Variants in ATP2A2 observed in about 807,000 individuals in gnomAD.
ATP2A2 encodes the protein sarcoplasmic/endoplasmic reticulum calcium ATPase 2.
In ATP2A2, 14 loss-of-function variants were observed where a neutral mutation model predicts 109.3. The observed-to-expected ratio is 0.13, with a 90% CI of 0.08 to 0.20. The LOEUF is 0.20. ATP2A2 is among the 10% of genes least tolerant of loss of function. The probability of loss-of-function intolerance (pLI) is 1.00; values close to 1 mark genes in which losing one functional copy is unlikely to be tolerated. For missense variants in ATP2A2, 657 were observed against 1,321.6 expected (o/e 0.50, Z 7.80); for synonymous variants, 506 against 490.9 (o/e 1.03, Z -0.41).
At chr12:110,325,296 T>C (rs939550929) in intron 6 of ATP2A2, among the ~76,000 whole-genome samples, 15 of 152,146 alleles carry the variant, frequency 9.9e-5, no homozygotes, top group Non-Finnish European at 1.5e-5. Flanking sequence ...TAGAGACATA[T>C]TTTACTCAGA....
Position 110,347,344 on chromosome 12 carries a change from CGTAA to C in ATP2A2, c.*877_*880del. 1 of 1,287,660 alleles carries C rather than the reference CGTAA, an allele frequency of 7.8e-7. No individual in the cohort carries two copies. 79.8% of individuals were successfully genotyped at this position (1,287,660 alleles called of 1,614,324 possible). ...AAAAATAACTGTCTTGTCTTTAACT[CGTAA>C]GTGGCTTACCTGGGACTAACAGACA... On this transcript the variant is annotated 3_prime_UTR_variant, in exon 20 of 20. Coordinates refer to ENST00000539276, the MANE Select transcript of ATP2A2 (RefSeq NM_170665.4).
rs892098264 is a variant in ATP2A2 at position 110,340,548 on chromosome 12, AAAAG to A, written c.1762-107_1762-104del. 3.2e-5 allele frequency: 42 copies of A among 1,314,636 alleles called. No individual in the cohort carries two copies. The highest frequency in any genetic ancestry group is 4.0e-5 in the Non-Finnish European group (38 of 940,538). 81.4% of individuals were successfully genotyped at this position (1,314,636 alleles called of 1,614,324 possible). On this transcript the variant is annotated intron_variant, in intron 13 of 19. Coordinates refer to ENST00000539276, the MANE Select transcript of ATP2A2 (RefSeq NM_170665.4). This position sits in a 1 kb window ranked among gnomAD's most constrained non-coding sequence, Gnocchi z 6.0. ...AGCGAAACTCCGCCTCAAAAAAAAA[AAAAG>A]AAAAAAAATGCAGAAACCTGTCTCA...
At chr12:110,317,823 TGC>T (rs1160496254) in intron 5 of ATP2A2, among the ~76,000 whole-genome samples, 1 of 152,246 alleles carries the variant, frequency 6.6e-6, no homozygotes, top group Non-Finnish European at 1.5e-5. Context: ...TGAACTCTTG[TGC>T]AAGTATACTG....
chr12:110,321,207 G>A lies in ATP2A2; in HGVS notation c.464-1785G>A, dbSNP rs1181110283. ...CATGCCACTGCACTCCAGTCTGGGT[G>A]ATAGAGCAAGACTCTGTCTCTGAAA... On this transcript the variant is annotated intron_variant, in intron 5 of 19. Coordinates refer to ENST00000539276, the MANE Select transcript of ATP2A2 (RefSeq NM_170665.4). 3.3e-5 allele frequency among the ~76,000 whole-genome samples: 5 copies of A among 152,218 alleles called. No homozygotes were observed. The South Asian group carries it at 1.0e-3, about 31-fold the overall frequency.
Position 110,348,101 on chromosome 12 carries a change from C to T in ATP2A2, c.*1631C>T. The T allele has an allele frequency of 2.0e-6, 2 of 985,754 alleles. No homozygotes were observed. Among genetic ancestry groups the T allele is most frequent in the African/African-American group, 1.7e-5 (1 of 57,374 alleles). 61.1% of individuals were successfully genotyped at this position (985,754 alleles called of 1,614,324 possible). A position where few individuals can be genotyped will look rare whatever the true frequency, so the allele number is the denominator to read the frequency against. On this transcript the variant is annotated 3_prime_UTR_variant, in exon 20 of 20. Coordinates refer to ENST00000539276, the MANE Select transcript of ATP2A2 (RefSeq NM_170665.4). The stretch of plus-strand genomic sequence containing the variant: ...CAGCCAGACCAACAGGCTGAAGGAG[C>T]TGTGCAGACTATTGCTAAAATGAGG...
rs777047998 is a variant in ATP2A2 at position 110,323,063 on chromosome 12, A to G, written c.535A>G (p.Ile179Val). ...TACCACACTAAGAGTTGACCAGTCAATTCTCACAGGTAAATATGATATATT... is the reference window on the plus strand; with the variant it reads ...TACCACACTAAGAGTTGACCAGTCAGTTCTCACAGGTAAATATGATATATT... ...KSTTLRVDQS[I>V]LTGESVSVIK... The change falls in exon 6 of 20, where the codon ATT (isoleucine) becomes GTT (valine). Residue 179 changes from isoleucine to valine, a missense_variant. This residue lies in a region of ATP2A2 where 136 missense variants were observed against 343.9 expected (regional missense o/e 0.40). Coordinates refer to ENST00000539276, the MANE Select transcript of ATP2A2 (RefSeq NM_170665.4). 6.2e-6 allele frequency: 10 copies of G among 1,604,576 alleles called. No individual in the cohort carries two copies. The highest frequency in any genetic ancestry group is 1.7e-5 in the Admixed American group (1 of 60,010).
rs1592858966 is a variant in ATP2A2 at position 110,339,248 on chromosome 12, A to C, written c.1420-33A>C. ...TAGGTAAAAAAGTTCAGAAATTGCCACCCAGTAGTATCCATATTTGTTCCC... is the reference window on the plus strand; with the variant it reads ...TAGGTAAAAAAGTTCAGAAATTGCCCCCCAGTAGTATCCATATTTGTTCCC... On this transcript the variant is annotated intron_variant, in intron 11 of 19. Transcript: ENST00000539276. The surrounding 1 kb of genome is among the most constrained non-coding windows in gnomAD (Gnocchi z 4.4). 2 of 1,613,302 alleles carry C rather than the reference A, an allele frequency of 1.2e-6. No homozygotes were observed. Among genetic ancestry groups the C allele is most frequent in the Non-Finnish European group, 1.7e-6 (2 of 1,179,874 alleles).
At chr12:110,332,529 G>A in intron 8 of ATP2A2, 68 bp from the exon 9 acceptor site, 2 of 1,303,458 alleles carry the variant, frequency 1.5e-6, no homozygotes, top group Non-Finnish European at 2.2e-6. Flanking sequence ...AGCTAACAAA[G>A]GTAGTTTATT....
intron 5 of ATP2A2, among the ~76,000 whole-genome samples, chr12:110,313,843 T>A (rs1242452172): frequency 6.6e-6 from 1 of 150,658 alleles, no homozygotes; most frequent in East Asian, 2.0e-4. Context: ...TCCCATTAGC[T>A]GGAATTACAG....
chr12:110,343,508 TTAA>T (rs1236033605), intron 16 of ATP2A2, 74 bp downstream of exon 16: 1 of 1,547,508 alleles, frequency 6.5e-7, no homozygotes, highest in Non-Finnish European at 8.9e-7. Context: ...AATTCATCCC[TTAA>T]AAGCGTGTTT....
intron 11 of ATP2A2, among the ~76,000 whole-genome samples, chr12:110,334,918 C>T (rs1028511833): frequency 3.9e-5 from 6 of 152,116 alleles, no homozygotes; most frequent in African/African-American, 1.4e-4. Context: ...TTTGATGAGA[C>T]CAGCATAACC....
At chr12:110,322,575 C>G (rs571955672) in intron 5 of ATP2A2, among the ~76,000 whole-genome samples, 1 of 152,232 alleles carries the variant, frequency 6.6e-6, no homozygotes, top group South Asian at 2.1e-4. Flanking sequence ...GCTTCCTGTT[C>G]ACAATAATTT....
At chr12:110,295,002 G>A (rs1873812140) in intron 4 of ATP2A2, among the ~76,000 whole-genome samples, 1 of 151,774 alleles carries the variant, frequency 6.6e-6, no homozygotes, top group South Asian at 2.1e-4. Context: ...TGTATTTTTA[G>A]TAGAGACAGT....
intron 4 of ATP2A2, 86 bp from the exon 5 acceptor site, chr12:110,296,513 T>C: frequency 6.4e-7 from 1 of 1,554,880 alleles, no homozygotes; most frequent in Non-Finnish European, 8.9e-7. Context: ...TTTTAAAGAT[T>C]AGACCTCTAA....
chr12:110,290,507 T>A (rs943330959), intron 3 of ATP2A2, among the ~76,000 whole-genome samples: 1 of 152,240 alleles, frequency 6.6e-6, no homozygotes, highest in Non-Finnish European at 1.5e-5. Context: ...TTTTTCTAAA[T>A]AGATACATAT....
At chr12:110,317,103 A>G (rs374965978) in intron 5 of ATP2A2, among the ~76,000 whole-genome samples, 63 of 152,312 alleles carry the variant, frequency 4.1e-4, no homozygotes, top group African/African-American at 1.4e-3. Flanking sequence ...TTCTCAAATG[A>G]AGAATTTCAT....
At chr12:110,300,762 A>G (rs1162280462) in intron 5 of ATP2A2, among the ~76,000 whole-genome samples, 1 of 150,764 alleles carries the variant, frequency 6.6e-6, no homozygotes, top group Non-Finnish European at 1.5e-5. Flanking sequence ...AAGTGTTGTA[A>G]TTACAGGTGT....
intron 3 of ATP2A2, among the ~76,000 whole-genome samples, chr12:110,286,292 G>A (rs1339490260): frequency 1.4e-4 from 21 of 152,146 alleles, no homozygotes; most frequent in Admixed American, 1.3e-3. Context: ...GAAAATACAT[G>A]AGATCTTTTT....
At chr12:110,283,401 T>TA (rs762725944) in intron 3 of ATP2A2, among the ~76,000 whole-genome samples, 7 of 152,178 alleles carry the variant, frequency 4.6e-5, no homozygotes, top group Non-Finnish European at 1.0e-4. Context: ...TTCTAGATCT[T>TA]AAAGGAAAAA....
Sources: gnomAD v4.1 joint callset for allele counts (sites outside exome capture counted in the v4.1 genomes callset) on GRCh38, gnomAD v4.1.1 for gene constraint, gnomAD v4.1.1 regional missense constraint, Gnocchi (gnomAD v3.1) non-coding constraint, MANE v1.5 for transcripts, NCBI Gene and HGNC (gene_info 2026-07-23, HGNC 2026-07-21) for gene names.